DISC1: variants seen among roughly 807,000 people sequenced by gnomAD.
The protein encoded by DISC1 is DISC1 scaffold protein.
In DISC1, 57 loss-of-function variants were observed where a neutral mutation model predicts 84.5. The observed-to-expected ratio is 0.67, with a 90% CI of 0.55 to 0.84. The LOEUF (loss-of-function observed/expected upper bound fraction) is 0.84, where lower values mean the gene tolerates loss of function less well. Ranked by LOEUF, DISC1 falls within the 40% of genes least tolerant of loss-of-function variation. The pLI, the probability that DISC1 is intolerant of heterozygous loss-of-function variation, is 0.00. For synonymous variants in DISC1, 411 were observed against 415.2 expected (o/e 0.99, Z 0.12); for missense variants, 1,000 against 1,057.8 (o/e 0.95, Z 0.76).
chr1:231,749,033 A>T (rs1222671094), intron 3 of DISC1, among the ~76,000 whole-genome samples: 1 of 152,186 alleles, frequency 6.6e-6, no homozygotes, highest in Non-Finnish European at 1.5e-5. Context: ...TCCATGCAAT[A>T]AGAAGTCCCT....
rs540465762 is a variant in DISC1, at chr1:231,664,012, C to T, written c.68-29814C>T. ...TGAGCTTCAGTTTCATGTGCTAATG[C>T]CATATCTATCTATCTATCCATCTAT... On this transcript the variant is annotated intron_variant, in intron 1 of 12. Coordinates refer to ENST00000439617, the MANE Select transcript of DISC1 (RefSeq NM_018662.3). Among the ~76,000 whole-genome samples, 16 of 150,356 alleles carry T rather than the reference C, an allele frequency of 1.1e-4. No homozygotes were observed. In the East Asian group the frequency reaches 3.0e-3, roughly 28 times the overall value.
intron 6 of DISC1, among the ~76,000 whole-genome samples, chr1:231,785,114 A>C (rs933379502): frequency 6.6e-6 from 1 of 152,008 alleles, no homozygotes; most frequent in Non-Finnish European, 1.5e-5. Context: ...ATAAACATGA[A>C]TTTCCTAAAG....
chr1:231,694,712 CG>C lies in DISC1; in HGVS notation c.956del (p.Gly319AlafsTer24), dbSNP rs762711850. On this transcript the variant is annotated frameshift_variant, in exon 2 of 13. Coordinates refer to ENST00000439617, the MANE Select transcript of DISC1 (RefSeq NM_018662.3). LOFTEE classifies it high-confidence loss of function. Reference protein sequence around the residue: ...LAGCGGDGSSGSGDAHSWDTL... With the variant: ...LAGCGGDGSSXSGDAHSWDTL... ...CTGGCTGTGGTGGTGATGGGAGCAG[CG>C]GCTCAGGGGATGCCCACTCTTGGGA... 1.2e-6 allele frequency: 2 copies of C among 1,614,186 alleles called. No individual in the cohort carries two copies.
At chr1:231,901,228 G>C (rs556711017) in intron 9 of DISC1, among the ~76,000 whole-genome samples, 1 of 152,120 alleles carries the variant, frequency 6.6e-6, no homozygotes, top group East Asian at 1.9e-4. Flanking sequence ...TCAGAGAAAC[G>C]TCAATTTCAG....
chr1:231,949,338 A>G (rs1004883698), intron 9 of DISC1, among the ~76,000 whole-genome samples: 1 of 152,190 alleles, frequency 6.6e-6, no homozygotes, highest in African/African-American at 2.4e-5. Flanking sequence ...AGTCAGGCAT[A>G]GTGAGGCCAC....
At chr1:231,801,862 A>C (rs2079293885) in intron 8 of DISC1, among the ~76,000 whole-genome samples, 1 of 147,882 alleles carries the variant, frequency 6.8e-6, no homozygotes, top group Non-Finnish European at 1.5e-5. Flanking sequence ...TCAGTCGCCC[A>C]GGCTAGAGTG....
chr1:231,771,272 C>G, intron 6 of DISC1: 1 of 983,840 alleles, frequency 1.0e-6, no homozygotes, highest in Non-Finnish European at 1.2e-6. Flanking sequence ...CACATCCTGG[C>G]CACTTAACCC....
chr1:231,767,211 G>C lies in DISC1; in HGVS notation c.1340G>C (p.Ser447Thr). 6.2e-7 allele frequency: 1 copy of C among 1,614,230 alleles called. No individual in the cohort carries two copies. The highest frequency in any genetic ancestry group is 8.5e-7 in the Non-Finnish European group (1 of 1,180,032). ...CTGTTGGAACCCACTGCTCAGGACAGCTTGCACGTGTCCATCACGAGACGA... is the reference window on the plus strand; with the variant it reads ...CTGTTGGAACCCACTGCTCAGGACACCTTGCACGTGTCCATCACGAGACGA... ...PRLLEPTAQDSLHVSITRRDW... is the reference protein window; with the variant it reads ...PRLLEPTAQDTLHVSITRRDW... Residue 447 changes from serine (S) to threonine (T), a missense_variant, in exon 5 of 13, where the codon AGC becomes ACC. Around this residue, in one of 3 missense-constraint regions of DISC1, gnomAD observed 311 missense variants for 400.1 expected, o/e 0.78. Coordinates refer to ENST00000439617, the MANE Select transcript of DISC1 (RefSeq NM_018662.3).
intron 9 of DISC1, among the ~76,000 whole-genome samples, chr1:231,827,058 G>C (rs1308155733): frequency 6.6e-6 from 1 of 151,840 alleles, no homozygotes; most frequent in Admixed American, 6.6e-5. Context: ...GCACGATCTT[G>C]GCTCACTGCA....
Position 231,821,569 on chromosome 1 carries a change from G to A in DISC1, c.1981+3052G>A, listed in dbSNP as rs2759336. Among the ~76,000 whole-genome samples the A allele has an allele frequency of 7.9e-5, 12 of 152,146 alleles. No individual in the cohort carries two copies. In the East Asian group the frequency reaches 2.3e-3, roughly 29 times the overall value. On this transcript the variant is annotated intron_variant, in intron 9 of 12. Coordinates refer to ENST00000439617, the MANE Select transcript of DISC1 (RefSeq NM_018662.3). ...CAATGTTAAGTGCAGTGAAATAGAA[G>A]GAAAAGCTAAATCTATCTTCCAAGC...
intron 9 of DISC1, among the ~76,000 whole-genome samples, chr1:231,924,747 C>T (rs2090240843): frequency 6.6e-6 from 1 of 151,738 alleles, no homozygotes; most frequent in South Asian, 2.1e-4. Context: ...ACCTCCACCT[C>T]CCGGGTTCAC....
At chr1:232,001,470 G>A (rs1317388161) in intron 10 of DISC1, among the ~76,000 whole-genome samples, 4 of 152,130 alleles carry the variant, frequency 2.6e-5, no homozygotes, top group African/African-American at 9.7e-5. Flanking sequence ...CCAGTTGATG[G>A]TGATGCCACC....
chr1:231,704,732 C>G (rs891858454), intron 3 of DISC1, among the ~76,000 whole-genome samples: 28 of 132,940 alleles, frequency 2.1e-4, no homozygotes, highest in African/African-American at 7.6e-4. Flanking sequence ...TGCACTCCAG[C>G]CTGGGCGACA....
chr1:231,790,321 G>C (rs4332347), intron 6 of DISC1, among the ~76,000 whole-genome samples: 116,377 of 152,072 alleles, frequency 0.77, 44,705 homozygotes, highest in Admixed American at 0.8. Context: ...TCGTAATAAA[G>C]TACCATGGAC....
chr1:231,789,513 CAGA>C (rs1395969048), intron 6 of DISC1, among the ~76,000 whole-genome samples: 1 of 152,156 alleles, frequency 6.6e-6, no homozygotes, highest in East Asian at 1.9e-4. Context: ...AGGGTGAACG[CAGA>C]AGAACTGTTC....
intron 9 of DISC1, among the ~76,000 whole-genome samples, chr1:231,930,965 T>C (rs1421049592): frequency 6.6e-6 from 1 of 152,184 alleles, no homozygotes; most frequent in Non-Finnish European, 1.5e-5. Flanking sequence ...TAAGCAGCCA[T>C]TCATGACCTT....
intron 3 of DISC1, among the ~76,000 whole-genome samples, chr1:231,728,118 A>G (rs527856635): frequency 1.3e-5 from 2 of 152,184 alleles, no homozygotes; most frequent in African/African-American, 4.8e-5. Flanking sequence ...TCATACAAAG[A>G]TGGAGGAATC....
intron 11 of DISC1, among the ~76,000 whole-genome samples, chr1:232,021,895 C>G (rs1233364430): frequency 6.6e-6 from 1 of 152,144 alleles, no homozygotes; most frequent in Non-Finnish European, 1.5e-5. Flanking sequence ...CAGTCCTTCC[C>G]AAGTCTGGCT....
chr1:231,721,711 C>A (rs1387712211), intron 3 of DISC1, among the ~76,000 whole-genome samples: 1 of 151,984 alleles, frequency 6.6e-6, no homozygotes, highest in African/African-American at 2.4e-5. Context: ...TTAGGGAAGG[C>A]TGAAAGGGAA....
Sources: gnomAD v4.1 joint callset for allele counts (sites outside exome capture counted in the v4.1 genomes callset) on GRCh38, gnomAD v4.1.1 for gene constraint, gnomAD v4.1.1 regional missense constraint, MANE v1.5 for transcripts, NCBI Gene and HGNC (gene_info 2026-07-23, HGNC 2026-07-21) for gene names.